The following MAP4K4 variants were observed in gnomAD, a reference collection of about 807,000 sequenced individuals.
The protein encoded by MAP4K4 is HPK/GCK-like kinase HGK.
A neutral mutation model predicts 189.6 loss-of-function variants in MAP4K4; 38 were observed. The observed-to-expected ratio is 0.20, with a 90% CI of 0.15 to 0.26. MAP4K4 has a LOEUF of 0.26. Among genes scored for constraint, MAP4K4 ranks in the 10% least tolerant of loss-of-function variants. MAP4K4 has a pLI of 1.00. For synonymous variants in MAP4K4, 610 were observed against 624.3 expected, an observed-to-expected ratio of 0.98 and a Z score of 0.34; for missense variants, 1,054 against 1,726.9, an observed-to-expected ratio of 0.61 and a Z score of 6.91.
intron 2 of MAP4K4, among the ~76,000 whole-genome samples, chr2:101,713,887 C>A (rs928858415): frequency 2.6e-5 from 4 of 152,008 alleles, no homozygotes; most frequent in Non-Finnish European, 4.4e-5. Flanking sequence ...GAGCGAGACT[C>A]CATCTCAAAA....
chr2:101,704,565 ATATTTTT>A (rs2041108540), intron 2 of MAP4K4, among the ~76,000 whole-genome samples: 1 of 40,358 alleles, frequency 2.5e-5, no homozygotes, highest in African/African-American at 2.0e-4. Flanking sequence ...ATATATATAT[ATATTTTT>A]TTTTTTTTTT....
At chr2:101,810,321 C>T (rs1262652643) in intron 3 of MAP4K4, among the ~76,000 whole-genome samples, 1 of 151,964 alleles carries the variant, frequency 6.6e-6, no homozygotes, top group East Asian at 1.9e-4. Flanking sequence ...CAGGTAATCA[C>T]TGTGCCTGTT....
chr2:101,811,829 G>A (rs1480722267), intron 3 of MAP4K4, among the ~76,000 whole-genome samples: 1 of 152,158 alleles, frequency 6.6e-6, no homozygotes. Flanking sequence ...ACAGCAGATG[G>A]TAAATTTGGC....
rs182119266 is a variant in MAP4K4, at chr2:101,797,533, T to G, written c.180+6757T>G. Reference sequence around the variant, plus strand: ...TGTGGGATGCTAAATTTCCTCGTCTTGTATTTTCTTACCTTAGACAACTTT... The same window carrying G: ...TGTGGGATGCTAAATTTCCTCGTCTGGTATTTTCTTACCTTAGACAACTTT... On this transcript the variant is annotated intron_variant, in intron 3 of 32. Coordinates refer to ENST00000324219, the Ensembl canonical transcript of MAP4K4. 3.3e-4 allele frequency: 190 copies of G among 567,266 alleles called. 1 individual carries two copies. In the African/African-American group the frequency reaches 3.5e-3, roughly 11 times the overall value. The allele number at this position is 567,266 out of a possible 1,614,324, so 35.1% of individuals were successfully genotyped here.
chr2:101,785,687 TC>T (rs1558913318), intron 2 of MAP4K4, among the ~76,000 whole-genome samples: 4 of 2,034 alleles, frequency 2.0e-3, no homozygotes, highest in South Asian at 9.3e-3. Context: ...CCTCTCTCTC[TC>T]TCTCTCTCTC....
At chr2:101,774,372 C>T (rs572142798) in intron 2 of MAP4K4, among the ~76,000 whole-genome samples, 1 of 152,334 alleles carries the variant, frequency 6.6e-6, no homozygotes, top group Admixed American at 6.5e-5. Flanking sequence ...TGAGAAACGT[C>T]TGTTGAAGTC....
At chr2:101,877,742 CTTATTTAT>C (rs200579848) in intron 27 of MAP4K4, among the ~76,000 whole-genome samples, 10 of 151,242 alleles carry the variant, frequency 6.6e-5, no homozygotes, top group Admixed American at 3.3e-4. Context: ...CTCTTTTTTA[CTTATTTAT>C]TTATTTATTT....
chr2:101,740,988 T>C lies in MAP4K4; in HGVS notation c.123+42450T>C, dbSNP rs184124801. ...TTGTTACTCTCATTGCTACAAATGA[T>C]GAGACTGAGGTTTAGAGAGGTTATT... On this transcript the variant is annotated intron_variant, in intron 2 of 32. Coordinates refer to ENST00000324219, the Ensembl canonical transcript of MAP4K4. Among the ~76,000 whole-genome samples the C allele has an allele frequency of 4.6e-5, 7 of 152,226 alleles. No individual in the cohort carries two copies. In the East Asian group the frequency reaches 7.7e-4, roughly 17 times the overall value.
At chr2:101,767,542 A>G (rs192231931) in intron 2 of MAP4K4, among the ~76,000 whole-genome samples, 1 of 152,184 alleles carries the variant, frequency 6.6e-6, no homozygotes, top group East Asian at 1.9e-4. Context: ...ACTGTGATCT[A>G]TTTATCTCCA....
chr2:101,721,614 T>C (rs2052121635), intron 2 of MAP4K4, among the ~76,000 whole-genome samples: 1 of 152,098 alleles, frequency 6.6e-6, no homozygotes, highest in Non-Finnish European at 1.5e-5. Context: ...TTTTGTATTT[T>C]TAGTAGAGAC....
At chr2:101,773,052 T>A (rs547586284) in intron 2 of MAP4K4, among the ~76,000 whole-genome samples, 2 of 152,346 alleles carry the variant, frequency 1.3e-5, no homozygotes, top group East Asian at 3.9e-4. Context: ...TGCTGCTGAC[T>A]GCAAGACCCC....
intron 9 of MAP4K4, among the ~76,000 whole-genome samples, chr2:101,836,955 C>T (rs184406784): frequency 1.3e-5 from 2 of 151,880 alleles, no homozygotes; most frequent in South Asian, 2.1e-4. Flanking sequence ...GAGAATTTTG[C>T]CCCCTCTTTC....
chr2:101,738,078 T>G (rs1195089048), intron 2 of MAP4K4, among the ~76,000 whole-genome samples: 1 of 152,180 alleles, frequency 6.6e-6, no homozygotes, highest in East Asian at 1.9e-4. Context: ...CCATGTTGCC[T>G]CCAGTGCTTT....
At chr2:101,847,931 TA>T (rs2097160242) in intron 12 of MAP4K4, among the ~76,000 whole-genome samples, 1 of 152,212 alleles carries the variant, frequency 6.6e-6, no homozygotes, top group Non-Finnish European at 1.5e-5. Flanking sequence ...AGCATGTTTT[TA>T]CTGTACTTTT....
chr2:101,749,914 C>T (rs1011330491), intron 2 of MAP4K4, among the ~76,000 whole-genome samples: 1 of 111,398 alleles, frequency 9.0e-6, no homozygotes, highest in Admixed American at 8.4e-5. Context: ...GAAAAATGCT[C>T]ATCATCACTG....
chr2:101,733,392 A>G (rs1037283727), intron 2 of MAP4K4, among the ~76,000 whole-genome samples: 4 of 152,204 alleles, frequency 2.6e-5, no homozygotes, highest in African/African-American at 9.6e-5. Flanking sequence ...TGGGGCCCAG[A>G]GAGGGTGAAG....
chr2:101,830,933 C>T (rs547053220), intron 6 of MAP4K4, among the ~76,000 whole-genome samples: 3 of 152,188 alleles, frequency 2.0e-5, no homozygotes, highest in Non-Finnish European at 2.9e-5. Flanking sequence ...ATTTTCTGAG[C>T]GTGTTCTGTG....
chr2:101,860,857 C>T (rs774874332), exon 16 of MAP4K4: 4 of 1,609,104 alleles, frequency 2.5e-6, no homozygotes, highest in Admixed American at 1.7e-5. Flanking sequence ...CTAACCACAG[C>T]TCCCCTGAAG....
At chr2:101,836,059 A>C in intron 9 of MAP4K4, 81 bp downstream of exon 9, 5 of 1,070,884 alleles carry the variant, frequency 4.7e-6, no homozygotes, top group Non-Finnish European at 7.0e-6. Context: ...CTCTGAGATA[A>C]AATTCTGGCC....
Sources: gnomAD v4.1 joint callset for allele counts (sites outside exome capture counted in the v4.1 genomes callset) on GRCh38, gnomAD v4.1.1 for gene constraint, MANE v1.5 for transcripts, NCBI Gene and HGNC (gene_info 2026-07-23, HGNC 2026-07-21) for gene names.